The following GRM5 variants were observed in gnomAD, a reference collection of about 807,000 sequenced individuals.
GRM5 encodes the protein metabotropic glutamate receptor 5.
A neutral mutation model predicts 83.1 loss-of-function variants in GRM5; 19 were observed. The ratio of observed to expected loss-of-function variants is 0.23; its 90% CI spans 0.16 to 0.34. GRM5 has a LOEUF of 0.34. GRM5 is among the 10% of genes least tolerant of loss of function. GRM5 has a pLI of 1.00. For synonymous variants in GRM5, 675 were observed against 633.6 expected, an observed-to-expected ratio of 1.07 and a Z score of -0.98; for missense variants, 1,160 against 1,588.3, an observed-to-expected ratio of 0.73 and a Z score of 4.58.
intron 3 of GRM5, among the ~76,000 whole-genome samples, chr11:88,846,852 C>T (rs1320643520): frequency 6.6e-6 from 1 of 151,904 alleles, no homozygotes; most frequent in Non-Finnish European, 1.5e-5. Flanking sequence ...GGAGGTAGCA[C>T]TGATATAAAA....
chr11:88,739,897 C>A (rs940725556), intron 3 of GRM5, among the ~76,000 whole-genome samples: 5 of 151,922 alleles, frequency 3.3e-5, no homozygotes, highest in Admixed American at 2.0e-4. Context: ...GAATATAGCA[C>A]AATTTGGTTT....
chr11:88,769,475 A>T (rs7120770), intron 3 of GRM5, among the ~76,000 whole-genome samples: 109,684 of 151,766 alleles, frequency 0.72, 40,072 homozygotes, highest in African/African-American at 0.75. Context: ...TATTTTCCAA[A>T]GAAAGTAACC....
At chr11:88,845,527 G>A (rs1286095630) in intron 3 of GRM5, among the ~76,000 whole-genome samples, 4 of 141,998 alleles carry the variant, frequency 2.8e-5, no homozygotes, top group South Asian at 2.3e-4. Flanking sequence ...TCTGCCTCCC[G>A]GGTTTGCGCC....
rs141705907 is a variant in GRM5 at position 89,011,913 on chromosome 11, G to A, written c.661+35299C>T. On this transcript the variant is annotated intron_variant, in intron 2 of 9. Transcript: ENST00000305447. ...TTTAAGGAGAATTAAAAATTTGATCGTTTCACAGAATGATTAAGGGAAGAA... is the reference window on the plus strand; with the variant it reads ...TTTAAGGAGAATTAAAAATTTGATCATTTCACAGAATGATTAAGGGAAGAA... Among the ~76,000 whole-genome samples, 133 of 152,204 alleles carry A rather than the reference G, an allele frequency of 8.7e-4. 2 individuals are homozygous for A. Among genetic ancestry groups the A allele is most frequent in the South Asian group, 1.2e-3 (6 of 4,826 alleles).
At chr11:88,754,748 T>C (rs769918193) in intron 3 of GRM5, among the ~76,000 whole-genome samples, 1 of 152,144 alleles carries the variant, frequency 6.6e-6, no homozygotes, top group Non-Finnish European at 1.5e-5. Context: ...CATCATCATA[T>C]TTTTCCACCT....
intron 4 of GRM5, among the ~76,000 whole-genome samples, chr11:88,641,121 C>T (rs1241354348): frequency 6.6e-6 from 1 of 152,048 alleles, no homozygotes; most frequent in Non-Finnish European, 1.5e-5. Context: ...AGCTTTTACT[C>T]ATGGTGGAAG....
intron 3 of GRM5, among the ~76,000 whole-genome samples, chr11:88,732,369 T>C (rs2135407747): frequency 6.6e-6 from 1 of 152,126 alleles, no homozygotes; most frequent in East Asian, 1.9e-4. Context: ...GTCATAAATA[T>C]ATAAAACAAA....
chr11:88,526,019 G>C (rs996778311), intron 8 of GRM5, among the ~76,000 whole-genome samples: 2 of 152,132 alleles, frequency 1.3e-5, no homozygotes, highest in Non-Finnish European at 2.9e-5. Context: ...TTATTATCTT[G>C]AGCAAGCCCT....
chr11:88,845,910 A>G (rs1288032421), intron 3 of GRM5, among the ~76,000 whole-genome samples: 1 of 152,234 alleles, frequency 6.6e-6, no homozygotes, highest in Non-Finnish European at 1.5e-5. Context: ...AAAGAATAAT[A>G]TCTACCTCTG....
At chr11:88,899,704 G>C (rs777767310) in intron 2 of GRM5, among the ~76,000 whole-genome samples, 1 of 151,852 alleles carries the variant, frequency 6.6e-6, no homozygotes, top group East Asian at 1.9e-4. Flanking sequence ...AAAATCTGAA[G>C]TGGGAATAAG....
rs1941682039 is a variant in GRM5, at chr11:89,048,091, C to T, written c.-200-19G>A. ...TCTAAACCTGAAAAAAAAAAAATAA[C>T]ATGGGTCTTTAACAAACATAAATGC... On this transcript the variant is annotated intron_variant, in intron 1 of 9. Transcript: ENST00000305447. 1 of 520,746 alleles carries T rather than the reference C, an allele frequency of 1.9e-6. No homozygotes were observed. The highest frequency in any genetic ancestry group is 2.7e-5 in the South Asian group (1 of 37,206). The allele number at this position is 520,746 out of a possible 1,614,324, so 32.3% of individuals were successfully genotyped here.
intron 3 of GRM5, among the ~76,000 whole-genome samples, chr11:88,777,907 G>A (rs1464232838): frequency 6.6e-6 from 1 of 152,154 alleles, no homozygotes; most frequent in African/African-American, 2.4e-5. Flanking sequence ...GGCTACACAG[G>A]GGTCAGGGAC....
chr11:88,647,378 G>A (rs1939491406), intron 4 of GRM5, among the ~76,000 whole-genome samples: 2 of 134,556 alleles, frequency 1.5e-5, no homozygotes, highest in Non-Finnish European at 3.4e-5. Flanking sequence ...AAAAGAACCA[G>A]TAATCCTTTT....
chr11:88,703,634 G>A (rs762346943), intron 3 of GRM5, among the ~76,000 whole-genome samples: 29 of 152,006 alleles, frequency 1.9e-4, no homozygotes, highest in East Asian at 3.9e-4. Flanking sequence ...TCATAGGGGC[G>A]GTTACCCTCA....
Position 88,669,565 on chromosome 11 carries a change from G to A in GRM5, c.912-16162C>T, listed in dbSNP as rs1275965682. ...CCTAGAAGATCTGAAATAATCTATA[G>A]ATATACTACAGATACACTATTACAA... On this transcript the variant is annotated intron_variant, in intron 3 of 9. Coordinates refer to ENST00000305447, the MANE Select transcript of GRM5 (RefSeq NM_001143831.3). Among the ~76,000 whole-genome samples the A allele has an allele frequency of 3.9e-5, 6 of 152,068 alleles. No individual in the cohort carries two copies. The South Asian group carries it at 8.3e-4, about 21-fold the overall frequency.
At chr11:88,679,542 TTATC>T (rs1347509958) in intron 3 of GRM5, among the ~76,000 whole-genome samples, 18 of 152,204 alleles carry the variant, frequency 1.2e-4, no homozygotes, top group African/African-American at 2.4e-5. Context: ...CTATCATCTA[TTATC>T]TATCTATCAG....
chr11:88,968,910 A>C (rs1222137953), intron 2 of GRM5, among the ~76,000 whole-genome samples: 2 of 152,158 alleles, frequency 1.3e-5, no homozygotes, highest in South Asian at 2.1e-4. Flanking sequence ...GTGGATAGCC[A>C]GGATCGGGTT....
intron 3 of GRM5, among the ~76,000 whole-genome samples, chr11:88,763,993 G>T (rs192139840): frequency 6.6e-6 from 1 of 151,400 alleles, no homozygotes; most frequent in Admixed American, 6.6e-5. Context: ...AGATTCAAAG[G>T]TACAAATAGA....
At chr11:88,630,910 C>T (rs760319247) in intron 4 of GRM5, among the ~76,000 whole-genome samples, 1 of 152,164 alleles carries the variant, frequency 6.6e-6, no homozygotes, top group Non-Finnish European at 1.5e-5. Context: ...AGATCTTTCA[C>T]ATCATTTCTT....
Sources: allele counts gnomAD v4.1 joint callset (sites outside exome capture counted in the v4.1 genomes callset), GRCh38; gene constraint gnomAD v4.1.1; transcripts MANE v1.5; gene names NCBI Gene and HGNC (gene_info 2026-07-23, HGNC 2026-07-21).